Variants in LCN2 observed in about 807,000 individuals in gnomAD.
The protein encoded by LCN2 is neutrophil gelatinase-associated lipocalin.
Under a neutral mutation model 26.4 loss-of-function variants are expected in LCN2, and 27 were observed. That is an observed-to-expected ratio of 1.02 (90% CI 0.76 to 1.41). LCN2 has a LOEUF of 1.41. Ranked by LOEUF, LCN2 falls within the 40% of genes most tolerant of loss-of-function variation. The pLI is 0.00. For missense variants in LCN2, 224 were observed against 237.6 expected, an observed-to-expected ratio of 0.94 and a Z score of 0.38; for synonymous variants, 94 against 98.9, an observed-to-expected ratio of 0.95 and a Z score of 0.30.
intron 1 of LCN2, 75 bp downstream of exon 1, chr9:128,149,738 A>C: frequency 6.4e-7 from 1 of 1,570,862 alleles, no homozygotes; most frequent in Non-Finnish European, 8.7e-7. Context: ...AGGTGAAGAG[A>C]CTCAGGAAGA....
In LCN2 at chr9:128,150,331, C is replaced by A; in HGVS notation, c.232C>A (p.Leu78Met). The A allele has an allele frequency of 6.2e-7, 1 of 1,614,160 alleles. No homozygotes were observed. Among genetic ancestry groups the A allele is most frequent in the Non-Finnish European group, 8.5e-7 (1 of 1,180,034 alleles). ...PQKMYATIYE[L>M]KEDKSYNVTS... ...AAAGATGTATGCCACCATCTATGAG[C>A]TGAAAGAAGACAAGAGCTACAATGT... The change falls in exon 2 of 7, where the codon CTG (leucine) becomes ATG (methionine). Residue 78 changes from leucine (L) to methionine (M), a missense_variant. Transcript: ENST00000277480.
intron 2 of LCN2, chr9:128,150,583 G>C (rs768597865): frequency 1.4e-6 from 1 of 721,018 alleles, no homozygotes; most frequent in East Asian, 2.8e-5. Context: ...ACAGTCGTTA[G>C]AAAACAAGAC....
chr9:128,150,299 A>G lies in LCN2; in HGVS notation c.200A>G (p.Asp67Gly), dbSNP rs1327323513. Reference protein sequence around the residue: ...AGNAILREDKDPQKMYATIYE... With the variant: ...AGNAILREDKGPQKMYATIYE... Reference sequence around the variant, plus strand: ...AATGCAATTCTCAGAGAAGACAAAGACCCGCAAAAGATGTATGCCACCATC... The same window carrying G: ...AATGCAATTCTCAGAGAAGACAAAGGCCCGCAAAAGATGTATGCCACCATC... The change falls in exon 2 of 7, where the codon GAC becomes GGC. Residue 67 changes from aspartate (D) to glycine (G), a missense_variant. Coordinates refer to ENST00000277480, the MANE Select transcript of LCN2 (RefSeq NM_005564.5). 1.9e-6 allele frequency: 3 copies of G among 1,614,038 alleles called. No homozygotes were observed. The highest frequency in any genetic ancestry group is 3.3e-4 in the Middle Eastern group (2 of 6,062).
chr9:128,149,484 C>T lies in LCN2; in HGVS notation c.-42C>T, dbSNP rs1264503562. The T allele has an allele frequency of 6.5e-7, 1 of 1,542,872 alleles. No homozygotes were observed. Among genetic ancestry groups the T allele is most frequent in the Admixed American group, 2.0e-5 (1 of 51,120 alleles). On this transcript the variant is annotated 5_prime_UTR_variant, in exon 1 of 7. Transcript: ENST00000277480. ...CACCTCCTCTTCCACCCCTGCCAGG[C>T]CCAGCAGCCACCACAGCGCCTGCTT...
At chr9:128,150,434 G>A in intron 2 of LCN2, 60 bp downstream of exon 2, 2 of 1,608,732 alleles carry the variant, frequency 1.2e-6, no homozygotes, top group Non-Finnish European at 1.7e-6. Context: ...GCAAGGGATG[G>A]CCAAAGCTGA....
In LCN2 at chr9:128,153,218, C is replaced by A; in HGVS notation, c.*7+92C>A. 1 of 1,416,824 alleles carries A rather than the reference C, an allele frequency of 7.1e-7. No individual in the cohort carries two copies. Among genetic ancestry groups the A allele is most frequent in the Non-Finnish European group, 9.9e-7 (1 of 1,006,052 alleles). 87.8% of individuals were successfully genotyped at this position (1,416,824 alleles called of 1,614,324 possible). ...GGGCCTGCCTTTGCTCATCCCCCTG[C>A]CCCCCAGCACTGCTGCTGTCTTTAT... On this transcript the variant is annotated intron_variant, in intron 6 of 6. Transcript: ENST00000277480. This position sits in a 1 kb window ranked among gnomAD's most constrained non-coding sequence, Gnocchi z 5.4.
intron 5 of LCN2, among the ~76,000 whole-genome samples, chr9:128,152,782 C>T (rs535636127): frequency 6.6e-6 from 1 of 152,312 alleles, no homozygotes; most frequent in South Asian, 2.1e-4. Flanking sequence ...TTCAGAGAGC[C>T]ACTGGCCTCC....
At chr9:128,152,877 C>A (rs769435219) in intron 5 of LCN2, among the ~76,000 whole-genome samples, 10 of 152,188 alleles carry the variant, frequency 6.6e-5, no homozygotes, top group Non-Finnish European at 1.3e-4. Flanking sequence ...TCACTCAGGG[C>A]AGCCCCTCCC....
At position 128,151,906 on chromosome 9, in the gene LCN2, G is replaced by A. The variant is rs1287823552; in HGVS notation, c.356G>A (p.Ser119Asn). ...PGEFTLGNIK[S>N]YPGLTSYLVR... ...GACCCCTCACCGTCCACGCCTGCAGGTTACCCTGGATTAACGAGTTACCTC... is the reference window on the plus strand; with the variant it reads ...GACCCCTCACCGTCCACGCCTGCAGATTACCCTGGATTAACGAGTTACCTC... The change falls in exon 4 of 7, where the codon AGT (serine) becomes AAT (asparagine). Residue 119 changes from serine to asparagine, a missense_variant and splice_region_variant. Coordinates refer to ENST00000277480, the MANE Select transcript of LCN2 (RefSeq NM_005564.5). 4.3e-6 allele frequency: 7 copies of A among 1,614,096 alleles called. No homozygotes were observed. Among genetic ancestry groups the A allele is most frequent in the African/African-American group, 4.0e-5 (3 of 75,052 alleles).
At position 128,153,193 on chromosome 9, in the gene LCN2, G is replaced by A. The variant is rs2130878957; in HGVS notation, c.*7+67G>A. On this transcript the variant is annotated intron_variant, in intron 6 of 6. Coordinates refer to ENST00000277480, the MANE Select transcript of LCN2 (RefSeq NM_005564.5). The surrounding 1 kb of genome is among the most constrained non-coding windows in gnomAD (Gnocchi z 5.4). ...CAGGGTGCAGTGGGCTGGGGGTCTT[G>A]GGCCTGCCTTTGCTCATCCCCCTGC... 6.3e-7 allele frequency: 1 copy of A among 1,591,810 alleles called. No individual in the cohort carries two copies. The highest frequency in any genetic ancestry group is 2.2e-5 in the East Asian group (1 of 44,780).
chr9:128,150,985 C>T (rs189934350), intron 2 of LCN2, among the ~76,000 whole-genome samples: 10 of 152,242 alleles, frequency 6.6e-5, no homozygotes, highest in Non-Finnish European at 1.0e-4. Flanking sequence ...GAAGCGGGGC[C>T]GTCACAGGTG....
chr9:128,150,372 T>C lies in LCN2; in HGVS notation c.273T>C (p.Phe91=), dbSNP rs1046714811. ...DKSYNVTSVL[F]RKKKCDYWIR... ...GCTACAATGTCACCTCCGTCCTGTT[T>C]AGGTGAGGGCCGACATCTCCTGGGG... is the stretch of plus-strand genomic sequence containing the variant. Residue 91 remains phenylalanine (F), a splice_region_variant and synonymous_variant, in exon 2 of 7, where the codon TTT becomes TTC. Coordinates refer to ENST00000277480, the MANE Select transcript of LCN2 (RefSeq NM_005564.5). 6 of 1,614,132 alleles carry C rather than the reference T, an allele frequency of 3.7e-6. No individual in the cohort carries two copies. The highest frequency in any genetic ancestry group is 5.1e-6 in the Non-Finnish European group (6 of 1,180,010).
chr9:128,150,578 C>T (rs3780836), intron 2 of LCN2: 15,992 of 727,606 alleles, frequency 0.022, 306 homozygotes, highest in East Asian at 0.076. Flanking sequence ...CATGCACAGT[C>T]GTTAGAAAAC....
At chr9:128,151,857 C>T (rs908603171) in intron 3 of LCN2, 49 bp from the exon 4 acceptor site, 3 of 1,610,888 alleles carry the variant, frequency 1.9e-6, no homozygotes, top group African/African-American at 2.7e-5. Context: ...GGGACAGCTC[C>T]CTCCTCCCAT....
chr9:128,151,480 G>T lies in LCN2; in HGVS notation c.276-158G>T, dbSNP rs998563017. 7.6e-6 allele frequency: 5 copies of T among 659,776 alleles called. No homozygotes were observed. The Admixed American group carries it at 1.1e-4, about 15-fold the overall frequency. 40.9% of individuals were successfully genotyped at this position (659,776 alleles called of 1,614,324 possible). A position where few individuals can be genotyped will look rare whatever the true frequency, so the allele number is the denominator to read the frequency against. Reference sequence around the variant, plus strand: ...GGCCCAGGCCCATCTCGGCTGGGTGGGGTAGGGCCCCTCCAGGTAGTGGGG... The same window carrying T: ...GGCCCAGGCCCATCTCGGCTGGGTGTGGTAGGGCCCCTCCAGGTAGTGGGG... On this transcript the variant is annotated intron_variant, in intron 2 of 6. Coordinates refer to ENST00000277480, the MANE Select transcript of LCN2 (RefSeq NM_005564.5).
At chr9:128,150,465 G>T in intron 2 of LCN2, 91 bp downstream of exon 2, 1 of 1,527,140 alleles carries the variant, frequency 6.5e-7, no homozygotes, top group Non-Finnish European at 9.1e-7. Context: ...CGTTCACCTC[G>T]CTGTTCTGCC....
At chr9:128,152,492 G>A (rs540281429) in intron 5 of LCN2, among the ~76,000 whole-genome samples, 35 of 152,270 alleles carry the variant, frequency 2.3e-4, no homozygotes, top group East Asian at 5.8e-4. Flanking sequence ...GACCCAGGCC[G>A]CAAGTGCTCT....
In LCN2 at chr9:128,150,647, G is replaced by A. The variant is rs1834997713; in HGVS notation, c.275+273G>A. 8 of 612,950 alleles carry A rather than the reference G, an allele frequency of 1.3e-5. No individual in the cohort carries two copies. In the Admixed American group the frequency reaches 1.5e-4, roughly 11 times the overall value. The allele number at this position is 612,950 out of a possible 1,614,324, so 38.0% of individuals were successfully genotyped here. A position where few individuals can be genotyped will look rare whatever the true frequency, so the allele number is the denominator to read the frequency against. ...AGGAGGGGACACTGGATCCAGCCTG[G>A]AACCCCACCCAGTGCCTTCATGGAA... On this transcript the variant is annotated intron_variant, in intron 2 of 6. Transcript: ENST00000277480.
chr9:128,152,660 G>A (rs1279371881), intron 5 of LCN2, among the ~76,000 whole-genome samples: 1 of 152,062 alleles, frequency 6.6e-6, no homozygotes, highest in Non-Finnish European at 1.5e-5. Flanking sequence ...CGTCACCCTG[G>A]GTTTTGCTGT....
Sources: allele counts gnomAD v4.1 joint callset (sites outside exome capture counted in the v4.1 genomes callset), GRCh38; gene constraint gnomAD v4.1.1; non-coding constraint Gnocchi (gnomAD v3.1); transcripts MANE v1.5; gene names NCBI Gene and HGNC (gene_info 2026-07-23, HGNC 2026-07-21).